SV2C: variants seen among roughly 807,000 people sequenced by gnomAD.
The protein encoded by SV2C is synaptic vesicle glycoprotein 2C.
A neutral mutation model predicts 79.7 loss-of-function variants in SV2C; 49 were observed. The observed-to-expected ratio is 0.61, with a 90% CI of 0.49 to 0.78. The LOEUF is 0.78. Among genes scored for constraint, SV2C ranks in the 30% least tolerant of loss-of-function variants. The pLI, the probability that SV2C is intolerant of heterozygous loss-of-function variation, is 0.00. For synonymous variants in SV2C, 334 were observed against 333.2 expected (o/e 1.00, Z -0.03); for missense variants, 833 against 912.9 (o/e 0.91, Z 1.13).
chr5:76,285,475 C>T lies in SV2C; in HGVS notation c.1047+180C>T, dbSNP rs551402882. On this transcript the variant is annotated intron_variant, in intron 5 of 12. Transcript: ENST00000502798. ...AACAACCAACATGTAAAAAAGCTGC[C>T]TCATGGCTAGAAAGCACTCATGTTT... The T allele has an allele frequency of 4.8e-6, 4 of 837,196 alleles. No individual in the cohort carries two copies. In the East Asian group the frequency reaches 8.1e-5, roughly 17 times the overall value. 51.9% of individuals were successfully genotyped at this position (837,196 alleles called of 1,614,324 possible).
Position 76,300,922 on chromosome 5 carries a change from A to T in SV2C, c.1830A>T (p.Leu610Phe), listed in dbSNP as rs755796390. 4.3e-6 allele frequency: 7 copies of T among 1,614,006 alleles called. No individual in the cohort carries two copies. The highest frequency in any genetic ancestry group is 5.9e-6 in the Non-Finnish European group (7 of 1,179,974). Reference protein sequence around the residue: ...SALLMDRIGRLTMLGGSMVLS... With the variant: ...SALLMDRIGRFTMLGGSMVLS... The stretch of plus-strand genomic sequence containing the variant: ...TGCTGATGGACAGAATTGGGCGCTT[A>T]ACAATGCTAGGTATGTACTCAGTTT... The change falls in exon 11 of 13, where the codon TTA becomes TTT. Residue 610 changes from leucine to phenylalanine, a missense_variant. Transcript: ENST00000502798.
the SV2C span, among the ~76,000 whole-genome samples, chr5:76,017,326 G>A: frequency 5.9e-5 from 9 of 152,128 alleles, no homozygotes; most frequent in South Asian, 4.1e-4. Context: ...TTGCTCTGTC[G>A]CCCAGGCTGG....
intron 3 of SV2C, among the ~76,000 whole-genome samples, chr5:76,207,646 C>T (rs780727979): frequency 7.9e-5 from 12 of 152,056 alleles, no homozygotes; most frequent in Non-Finnish European, 7.4e-5. Flanking sequence ...AAGCATGCAG[C>T]TTACCCCTTG....
the SV2C span, among the ~76,000 whole-genome samples, chr5:76,076,311 C>T: frequency 4.6e-5 from 7 of 152,182 alleles, no homozygotes. Flanking sequence ...GATCTGGTGC[C>T]TTTTTAAATA....
intron 2 of SV2C, among the ~76,000 whole-genome samples, chr5:76,193,686 G>A (rs1446873035): frequency 6.6e-6 from 1 of 152,188 alleles, no homozygotes; most frequent in Non-Finnish European, 1.5e-5. Flanking sequence ...GGCCAGGGCA[G>A]TTGAGCCTGG....
rs76865048 is a variant in SV2C at position 76,291,507 on chromosome 5, C to T, written c.1248+176C>T. Among the ~76,000 whole-genome samples the T allele has an allele frequency of 7.2e-3, 1,096 of 152,320 alleles. 8 individuals are homozygous for T. Among genetic ancestry groups the T allele is most frequent in the African/African-American group, 0.021 (890 of 41,580 alleles). On this transcript the variant is annotated intron_variant, in intron 7 of 12. Coordinates refer to ENST00000502798, the MANE Select transcript of SV2C (RefSeq NM_014979.4). ...CCACTCGACCAGCATTTAGCCAATACATTCCATCTGTGGGAAGGGAAAGTG... is the reference window on the plus strand; with the variant it reads ...CCACTCGACCAGCATTTAGCCAATATATTCCATCTGTGGGAAGGGAAAGTG...
At chr5:76,226,722 A>C (rs1745258538) in intron 4 of SV2C, among the ~76,000 whole-genome samples, 1 of 152,220 alleles carries the variant, frequency 6.6e-6, no homozygotes, top group Non-Finnish European at 1.5e-5. Flanking sequence ...ACACACGTGC[A>C]GGTCAGATGT....
chr5:76,142,578 G>A (rs1055892681), intron 2 of SV2C, among the ~76,000 whole-genome samples: 1 of 152,120 alleles, frequency 6.6e-6, no homozygotes, highest in African/African-American at 2.4e-5. Flanking sequence ...ATCTGTTACT[G>A]AGCATTTGAA....
At chr5:75,973,695 A>G in the SV2C span, among the ~76,000 whole-genome samples, 1 of 151,978 alleles carries the variant, frequency 6.6e-6, no homozygotes, top group Non-Finnish European at 1.5e-5. Flanking sequence ...TATATAGAAG[A>G]GTAAGTACTA....
At chr5:76,336,537 C>CAGGCGGCTGGGAGGTGG (rs1749332083), downstream of SV2C, among the ~76,000 whole-genome samples, 3 of 152,180 alleles carry the variant, frequency 2.0e-5, no homozygotes. Flanking sequence ...GAGGCCAAGG[C>CAGGCGGCTGGGAGGTGG]AGGCGGCTGG....
upstream of SV2C, chr5:76,078,780 G>C: frequency 1.7e-6 from 1 of 584,778 alleles, no homozygotes; most frequent in South Asian, 1.4e-5. Flanking sequence ...GGCAGAGTCT[G>C]CACACCTGGC....
At chr5:76,118,938 G>A (rs56088804) in intron 1 of SV2C, among the ~76,000 whole-genome samples, 2,152 of 152,274 alleles carry the variant, frequency 0.014, 47 homozygotes, top group African/African-American at 0.049. Flanking sequence ...AGCCAAGATC[G>A]TGCCACTGTA....
the SV2C span, among the ~76,000 whole-genome samples, chr5:75,999,294 A>T: frequency 6.8e-6 from 1 of 146,232 alleles, no homozygotes; most frequent in African/African-American, 2.5e-5. Context: ...ATATATATAC[A>T]GTATAGATAT....
intron 4 of SV2C, among the ~76,000 whole-genome samples, chr5:76,274,131 T>C (rs1682747011): frequency 6.6e-6 from 1 of 152,230 alleles, no homozygotes; most frequent in African/African-American, 2.4e-5. Flanking sequence ...AAGTATTGAA[T>C]AGTGGCACAA....
rs1580367003 is a variant in SV2C, at chr5:76,224,580, G to C, written c.913+14693G>C. Among the ~76,000 whole-genome samples the C allele has an allele frequency of 2.6e-5, 4 of 152,236 alleles. No homozygotes were observed. The Middle Eastern group carries it at 0.01, about 388-fold the overall frequency. On this transcript the variant is annotated intron_variant, in intron 4 of 12. Coordinates refer to ENST00000502798, the MANE Select transcript of SV2C (RefSeq NM_014979.4). ...TATTCCTTGTTTGAGTGTTGTAATTGTTCCCCAGATTTCCATGAATAATAT... is the reference window on the plus strand; with the variant it reads ...TATTCCTTGTTTGAGTGTTGTAATTCTTCCCCAGATTTCCATGAATAATAT...
intron 1 of SV2C, among the ~76,000 whole-genome samples, chr5:76,105,364 A>G (rs923374839): frequency 6.6e-6 from 1 of 152,158 alleles, no homozygotes; most frequent in Non-Finnish European, 1.5e-5. Flanking sequence ...GGGCAGCCTT[A>G]GGAAATGGAT....
At chr5:75,988,429 T>C in the SV2C span, among the ~76,000 whole-genome samples, 1 of 152,006 alleles carries the variant, frequency 6.6e-6, no homozygotes, top group Non-Finnish European at 1.5e-5. Flanking sequence ...TTTCTTCTAA[T>C]CATTTCCCAG....
At chr5:76,088,230 A>G (rs1457060652) in intron 1 of SV2C, among the ~76,000 whole-genome samples, 1 of 152,220 alleles carries the variant, frequency 6.6e-6, no homozygotes. Context: ...GCTTTTCCTC[A>G]TAAAGTTATT....
At chr5:75,915,767 G>T in the SV2C span, among the ~76,000 whole-genome samples, 1 of 152,192 alleles carries the variant, frequency 6.6e-6, no homozygotes, top group Non-Finnish European at 1.5e-5. Flanking sequence ...CAGACAAGAA[G>T]CTCCAGGAAT....
Sources: allele counts gnomAD v4.1 joint callset (sites outside exome capture counted in the v4.1 genomes callset), GRCh38; gene constraint gnomAD v4.1.1; transcripts MANE v1.5; gene names NCBI Gene and HGNC (gene_info 2026-07-23, HGNC 2026-07-21).